Variants in WDR72 observed in about 807,000 individuals in gnomAD.
WDR72 encodes WD repeat-containing protein 72.
In WDR72, 120 loss-of-function variants were observed where a neutral mutation model predicts 124.2. The ratio of observed to expected loss-of-function variants is 0.97; its 90% CI spans 0.83 to 1.12. The LOEUF is 1.12. WDR72 is among the 50% of genes most tolerant of loss of function. WDR72 has a pLI of 0.00. For missense variants in WDR72, 1,387 were observed against 1,278.8 expected (o/e 1.08, Z -1.29); for synonymous variants, 452 against 441.7 (o/e 1.02, Z -0.29).
intron 14 of WDR72, among the ~76,000 whole-genome samples, chr15:53,623,380 G>C (rs140864902): frequency 5.1e-4 from 77 of 152,008 alleles, no homozygotes; most frequent in African/African-American, 1.8e-3. Context: ...TTGACTTTCT[G>C]TTCCTGTGTT....
rs139139066 is a variant in WDR72 at position 53,711,327 on chromosome 15, T to G, written c.857+9A>C. ...GAATGTTTTGTATGCCGCTCCCATC[T>G]GAGCCCACCTGTTCAGCAGCTGATA... On this transcript the variant is annotated intron_variant, in intron 8 of 19. Transcript: ENST00000360509. The G allele has an allele frequency of 0.011, 17,996 of 1,614,170 alleles. 109 individuals are homozygous for G. The highest frequency in any genetic ancestry group is 0.013 in the Non-Finnish European group (15,151 of 1,180,040).
intron 16 of WDR72, among the ~76,000 whole-genome samples, chr15:53,609,843 T>TAC (rs72440914): frequency 0.035 from 5,181 of 150,078 alleles, 287 homozygotes; most frequent in African/African-American, 0.12. Context: ...TGTACATTTA[T>TAC]ACACACACAC....
In WDR72 at chr15:53,666,388, A is replaced by G. The variant is rs187949704; in HGVS notation, c.1766-620T>C. On this transcript the variant is annotated intron_variant, in intron 13 of 19. Coordinates refer to ENST00000360509, the MANE Select transcript of WDR72 (RefSeq NM_182758.4). The stretch of plus-strand genomic sequence containing the variant: ...CATTCTTCCAGTTTCAGAATTTAGG[A>G]GTGCTGTCAAGTTCAACTTAAAGTT... 2.7e-3 allele frequency among the ~76,000 whole-genome samples: 407 copies of G among 152,248 alleles called. 1 individual carries two copies. The highest frequency in any genetic ancestry group is 4.7e-3 in the Non-Finnish European group (321 of 68,020).
chr15:53,700,172 C>T (rs1045022889), intron 12 of WDR72, among the ~76,000 whole-genome samples: 12 of 152,148 alleles, frequency 7.9e-5, no homozygotes, highest in African/African-American at 2.2e-4. Flanking sequence ...AAAGATGAAT[C>T]CAGGACAGAT....
chr15:53,704,293 G>T (rs762293595), intron 11 of WDR72, among the ~76,000 whole-genome samples: 9 of 152,098 alleles, frequency 5.9e-5, no homozygotes, highest in Non-Finnish European at 1.2e-4. Context: ...AATTAGATTT[G>T]TTTAAGGACA....
intron 14 of WDR72, among the ~76,000 whole-genome samples, chr15:53,623,283 A>G (rs1051639742): frequency 1.3e-5 from 2 of 151,894 alleles, no homozygotes; most frequent in Non-Finnish European, 2.9e-5. Context: ...TTTTCCATTT[A>G]GTAGTCCCCA....
upstream of WDR72, among the ~76,000 whole-genome samples, chr15:53,761,789 T>C (rs1481488795): frequency 6.6e-6 from 1 of 151,790 alleles, no homozygotes; most frequent in Non-Finnish European, 1.5e-5. Flanking sequence ...ACCACTGCAC[T>C]CCAGCCTGAG....
intron 1 of WDR72, among the ~76,000 whole-genome samples, chr15:53,735,660 G>A (rs1052511177): frequency 6.6e-6 from 1 of 152,024 alleles, no homozygotes; most frequent in African/African-American, 2.4e-5. Flanking sequence ...AAGAGTGAAC[G>A]AGATTTCTGT....
chr15:53,656,508 T>C (rs1331413652), intron 14 of WDR72, among the ~76,000 whole-genome samples: 2 of 152,170 alleles, frequency 1.3e-5, no homozygotes, highest in Admixed American at 6.5e-5. Flanking sequence ...GTTTTTTGCA[T>C]TTGCTACTCT....
chr15:53,747,863 A>C (rs2018679781), intron 1 of WDR72, among the ~76,000 whole-genome samples: 1 of 152,202 alleles, frequency 6.6e-6, no homozygotes, highest in South Asian at 2.1e-4. Flanking sequence ...ATATTCAATT[A>C]GTGAACAAAC....
chr15:53,587,907 T>C (rs7171271), intron 18 of WDR72, among the ~76,000 whole-genome samples: 48,471 of 151,956 alleles, frequency 0.32, 8,279 homozygotes, highest in Admixed American at 0.42. Context: ...TGTCTTCATT[T>C]CTTGTAGCTT....
intron 13 of WDR72, among the ~76,000 whole-genome samples, chr15:53,672,339 G>A (rs2016024484): frequency 7.0e-6 from 1 of 143,850 alleles, no homozygotes; most frequent in Admixed American, 7.0e-5. Flanking sequence ...CACTCCAAGT[G>A]AATTTGGAGT....
intron 2 of WDR72, 133 bp downstream of exon 2, chr15:53,732,864 A>G: frequency 2.7e-6 from 3 of 1,094,740 alleles, no homozygotes; most frequent in Non-Finnish European, 2.7e-6. Context: ...TTCAGAAGTA[A>G]AATCAATTTA....
At chr15:53,521,799 A>T (rs1456092771) in intron 19 of WDR72, among the ~76,000 whole-genome samples, 1 of 152,066 alleles carries the variant, frequency 6.6e-6, no homozygotes, top group Admixed American at 6.6e-5. Flanking sequence ...AACTGTATTA[A>T]GACACTTTTA....
intron 10 of WDR72, 96 bp downstream of exon 10, chr15:53,705,831 T>G (rs1051770157): frequency 1.1e-5 from 17 of 1,483,340 alleles, no homozygotes; most frequent in Non-Finnish European, 1.6e-5. Flanking sequence ...AAATTTTTCT[T>G]GTTTGTGGTC....
At chr15:53,608,224 A>C (rs1443027400) in intron 17 of WDR72, among the ~76,000 whole-genome samples, 2 of 152,222 alleles carry the variant, frequency 1.3e-5, no homozygotes. Flanking sequence ...AGAACTGTTC[A>C]CAACAGCCAA....
chr15:53,593,343 C>T (rs992744551), intron 18 of WDR72, among the ~76,000 whole-genome samples: 1 of 152,048 alleles, frequency 6.6e-6, no homozygotes, highest in Admixed American at 6.6e-5. Context: ...TACTGGATAA[C>T]AGCACAGTAT....
At chr15:53,583,922 T>G (rs1318797769) in intron 18 of WDR72, among the ~76,000 whole-genome samples, 2 of 152,020 alleles carry the variant, frequency 1.3e-5, no homozygotes, top group African/African-American at 4.8e-5. Context: ...CACTTCTAAG[T>G]TGCTTTGTTA....
chr15:53,618,613 T>C (rs62005939), intron 14 of WDR72, among the ~76,000 whole-genome samples: 50,286 of 151,946 alleles, frequency 0.33, 9,555 homozygotes, highest in Middle Eastern at 0.59. Context: ...TATTCTGCAG[T>C]CTCTGGCTTC....
Sources: allele counts gnomAD v4.1 joint callset (sites outside exome capture counted in the v4.1 genomes callset), GRCh38; gene constraint gnomAD v4.1.1; transcripts MANE v1.5; gene names NCBI Gene and HGNC (gene_info 2026-07-23, HGNC 2026-07-21).